UVRAG: variants seen among roughly 807,000 people sequenced by gnomAD.
UVRAG encodes UV radiation resistance associated, also known as UV radiation resistance-associated gene protein.
A neutral mutation model predicts 78.0 loss-of-function variants in UVRAG; 19 were observed. The ratio of observed to expected loss-of-function variants is 0.24; its 90% CI spans 0.17 to 0.36. UVRAG has a LOEUF of 0.36. UVRAG is among the 10% of genes least tolerant of loss of function. The pLI is 1.00. For synonymous variants in UVRAG, 323 were observed against 324.6 expected (o/e 1.00, Z 0.05); for missense variants, 740 against 853.8 (o/e 0.87, Z 1.66).
At chr11:75,861,580 T>A (rs1413880290) in intron 2 of UVRAG, among the ~76,000 whole-genome samples, 166 bp from the exon 3 acceptor site, 1 of 142,218 alleles carries the variant, frequency 7.0e-6, no homozygotes, top group Non-Finnish European at 1.5e-5. Context: ...TTTCATTGAA[T>A]TTTTACTTTT....
At chr11:75,820,142 A>AT (rs1565328642) in intron 1 of UVRAG, among the ~76,000 whole-genome samples, 1 of 151,672 alleles carries the variant, frequency 6.6e-6, no homozygotes, top group Non-Finnish European at 1.5e-5. Flanking sequence ...ATACCAGTTA[A>AT]TTTTTTTAAG....
At chr11:76,028,236 A>G (rs1012079813) in intron 12 of UVRAG, among the ~76,000 whole-genome samples, 14 of 152,064 alleles carry the variant, frequency 9.2e-5, no homozygotes, top group African/African-American at 3.1e-4. Context: ...GACTTAATCA[A>G]TGTTGTGTGT....
At chr11:76,071,548 T>G (rs1438665345) in intron 13 of UVRAG, among the ~76,000 whole-genome samples, 1 of 152,170 alleles carries the variant, frequency 6.6e-6, no homozygotes, top group Non-Finnish European at 1.5e-5. Flanking sequence ...TGATATGTTT[T>G]TTCCCAACGA....
intron 1 of UVRAG, among the ~76,000 whole-genome samples, chr11:75,845,729 G>A (rs143229997): frequency 6.6e-6 from 1 of 152,196 alleles, no homozygotes; most frequent in East Asian, 1.9e-4. Flanking sequence ...AGAGGGTGAG[G>A]ATTTAAAAAC....
intron 1 of UVRAG, among the ~76,000 whole-genome samples, chr11:75,840,582 A>G (rs1945887977): frequency 6.6e-6 from 1 of 152,240 alleles, no homozygotes; most frequent in South Asian, 2.1e-4. Flanking sequence ...AAATGACTGC[A>G]TTAAATTCAG....
At chr11:76,069,387 C>T (rs558320422) in intron 13 of UVRAG, among the ~76,000 whole-genome samples, 1 of 152,268 alleles carries the variant, frequency 6.6e-6, no homozygotes, top group South Asian at 2.1e-4. Flanking sequence ...AAGTGCCAGC[C>T]TCTTCAGTTA....
At chr11:76,075,097 T>C (rs1241454995) in intron 13 of UVRAG, among the ~76,000 whole-genome samples, 1 of 152,160 alleles carries the variant, frequency 6.6e-6, no homozygotes. Flanking sequence ...TACAGCCAAA[T>C]GTATGTGACA....
At chr11:76,136,787 C>T (rs1306975264) in intron 14 of UVRAG, among the ~76,000 whole-genome samples, 3 of 152,120 alleles carry the variant, frequency 2.0e-5, no homozygotes, top group Non-Finnish European at 4.4e-5. Context: ...TGTTAGCCGC[C>T]ACACCTGGCC....
intron 1 of UVRAG, among the ~76,000 whole-genome samples, chr11:75,851,563 C>T (rs1272488438): frequency 6.6e-6 from 1 of 152,206 alleles, no homozygotes; most frequent in East Asian, 1.9e-4. Context: ...AACCAAATTA[C>T]TACTTAGTTT....
intron 5 of UVRAG, among the ~76,000 whole-genome samples, chr11:75,910,374 A>G (rs986218859): frequency 6.6e-6 from 1 of 152,212 alleles, no homozygotes; most frequent in Admixed American, 6.5e-5. Context: ...ACCAAGGTTA[A>G]ACTAAGAGCA....
chr11:76,063,474 C>A (rs76470463), intron 12 of UVRAG, among the ~76,000 whole-genome samples: 1 of 152,094 alleles, frequency 6.6e-6, no homozygotes, highest in Admixed American at 6.5e-5. Context: ...CTGTCACACA[C>A]GTAATCTATT....
chr11:76,117,755 T>C (rs1232990348), intron 14 of UVRAG, among the ~76,000 whole-genome samples: 2 of 152,198 alleles, frequency 1.3e-5, no homozygotes, highest in African/African-American at 2.4e-5. Flanking sequence ...GGAGCCCAGA[T>C]AGGGCTGAGC....
intron 6 of UVRAG, among the ~76,000 whole-genome samples, chr11:75,918,926 C>T (rs1947918195): frequency 6.6e-6 from 1 of 152,226 alleles, no homozygotes; most frequent in Non-Finnish European, 1.5e-5. Context: ...TCAGCCCCTG[C>T]TCTCCACACA....
At chr11:75,998,647 T>C (rs993448429) in intron 8 of UVRAG, among the ~76,000 whole-genome samples, 1 of 152,220 alleles carries the variant, frequency 6.6e-6, no homozygotes, top group Non-Finnish European at 1.5e-5. Context: ...ATGTGAGCAC[T>C]GATTACTAAT....
At chr11:75,841,919 G>A (rs1310217901) in intron 1 of UVRAG, among the ~76,000 whole-genome samples, 1 of 152,108 alleles carries the variant, frequency 6.6e-6, no homozygotes, top group Non-Finnish European at 1.5e-5. Flanking sequence ...TCTGCAGTTT[G>A]GTCTGAGCTT....
At chr11:76,094,068 A>G (rs1024547498) in intron 13 of UVRAG, among the ~76,000 whole-genome samples, 2 of 152,188 alleles carry the variant, frequency 1.3e-5, no homozygotes, top group African/African-American at 4.8e-5. Context: ...TTTAGCATGC[A>G]GGGCTGTTGA....
chr11:75,919,256 C>CT (rs1030532526), intron 6 of UVRAG, among the ~76,000 whole-genome samples: 30 of 151,828 alleles, frequency 2.0e-4, no homozygotes, highest in Non-Finnish European at 3.2e-4. Flanking sequence ...CTAATGGACT[C>CT]TAAGTGGTAA....
chr11:75,860,109 T>TA (rs1390615479), intron 2 of UVRAG, among the ~76,000 whole-genome samples: 3 of 152,106 alleles, frequency 2.0e-5, no homozygotes, highest in Non-Finnish European at 4.4e-5. Flanking sequence ...CACACCTGGC[T>TA]AATTTTTGTA....
At chr11:76,033,336 C>T (rs1950471824) in intron 12 of UVRAG, among the ~76,000 whole-genome samples, 1 of 152,122 alleles carries the variant, frequency 6.6e-6, no homozygotes, top group Admixed American at 6.6e-5. Flanking sequence ...ATATAATAGT[C>T]ACTCAGTAAA....
Sources: gnomAD v4.1 joint callset for allele counts (sites outside exome capture counted in the v4.1 genomes callset) on GRCh38, gnomAD v4.1.1 for gene constraint, MANE v1.5 for transcripts, NCBI Gene and HGNC (gene_info 2026-07-23, HGNC 2026-07-21) for gene names.